CLASP1: variants seen among roughly 807,000 people sequenced by gnomAD.
CLASP1 encodes cytoplasmic linker associated protein 1.
Under a neutral mutation model 192.3 loss-of-function variants are expected in CLASP1, and 38 were observed. The ratio of observed to expected loss-of-function variants is 0.20; its 90% CI spans 0.15 to 0.26. The LOEUF (loss-of-function observed/expected upper bound fraction) is 0.26, where lower values mean the gene tolerates loss of function less well. Ranked by LOEUF, CLASP1 falls within the 10% of genes least tolerant of loss-of-function variation. The pLI is 1.00. For missense variants in CLASP1, 1,433 were observed against 1,932.5 expected, an observed-to-expected ratio of 0.74 and a Z score of 4.85; for synonymous variants, 691 against 712.8, an observed-to-expected ratio of 0.97 and a Z score of 0.49.
At chr2:121,489,591 C>A (rs570279585) in intron 8 of CLASP1, among the ~76,000 whole-genome samples, 1 of 152,244 alleles carries the variant, frequency 6.6e-6, no homozygotes, top group South Asian at 2.1e-4. Flanking sequence ...GTTCCCATCA[C>A]ATCAACTGTA....
Position 121,427,573 on chromosome 2 carries a change from TTCC to T in CLASP1, c.2018-146_2018-144del, listed in dbSNP as rs776892619. 8 of 775,574 alleles carry T rather than the reference TTCC, an allele frequency of 1.0e-5. No individual in the cohort carries two copies. The African/African-American group carries it at 1.0e-4, about 10-fold the overall frequency. The allele number at this position is 775,574 out of a possible 1,614,324, so 48.0% of individuals were successfully genotyped here. On this transcript the variant is annotated intron_variant, in intron 20 of 39. Transcript: ENST00000263710. The stretch of plus-strand genomic sequence containing the variant: ...AAACAGCTATATTTCCTAGGACTTG[TTCC>T]TCCTATTTTTGTACTTATGTTTATC...
chr2:121,510,965 T>C (rs1028946890), intron 7 of CLASP1, among the ~76,000 whole-genome samples: 1 of 151,862 alleles, frequency 6.6e-6, no homozygotes, highest in Non-Finnish European at 1.5e-5. Flanking sequence ...GGTGTCAGGA[T>C]GATGGGTTTG....
At chr2:121,353,447 C>T (rs941115257) in intron 37 of CLASP1, among the ~76,000 whole-genome samples, 1 of 152,112 alleles carries the variant, frequency 6.6e-6, no homozygotes, top group African/African-American at 2.4e-5. Flanking sequence ...CTCTAAGATG[C>T]CTGAGGTTCC....
In CLASP1 at chr2:121,370,332, C is replaced by T. The variant is rs531940742; in HGVS notation, c.3643-2501G>A. On this transcript the variant is annotated intron_variant, in intron 34 of 39. Coordinates refer to ENST00000263710, the Ensembl canonical transcript of CLASP1. ...GCTCCTCCATTCTTCGATTTTCTTT[C>T]TTTTTTTTTGAGACAGAGTTTCACT... Among the ~76,000 whole-genome samples, 10 of 151,592 alleles carry T rather than the reference C, an allele frequency of 6.6e-5. No individual in the cohort carries two copies. The East Asian group carries it at 1.9e-3, about 29-fold the overall frequency.
At position 121,462,529 on chromosome 2, in the gene CLASP1, G is replaced by C; in HGVS notation, c.939+3C>G. ...GTAATCATACTCAAATATCCTCACTGACCTGTACTACAGGTACATCATCAA... is the reference window on the plus strand; with the variant it reads ...GTAATCATACTCAAATATCCTCACTCACCTGTACTACAGGTACATCATCAA... On this transcript the variant is annotated splice_donor_region_variant and intron_variant, in intron 10 of 39. Transcript: ENST00000263710. 6.6e-7 allele frequency: 1 copy of C among 1,505,636 alleles called. No homozygotes were observed. Among genetic ancestry groups the C allele is most frequent in the South Asian group, 1.1e-5 (1 of 87,062 alleles). The allele number at this position is 1,505,636 out of a possible 1,614,324, so 93.3% of individuals were successfully genotyped here.
At chr2:121,409,371 C>T (rs961674421) in intron 24 of CLASP1, among the ~76,000 whole-genome samples, 5 of 152,114 alleles carry the variant, frequency 3.3e-5, no homozygotes, top group East Asian at 1.9e-4. Flanking sequence ...TTCTGTCTGG[C>T]GCCGTGGTGT....
chr2:121,365,310 C>T (rs1197744553), intron 35 of CLASP1, 26 bp from the exon 37 acceptor site: 1 of 1,597,512 alleles, frequency 6.3e-7, no homozygotes, highest in South Asian at 1.1e-5. Flanking sequence ...AGACATACGT[C>T]ACCTCGTGAG....
intron 8 of CLASP1, among the ~76,000 whole-genome samples, chr2:121,472,584 T>C (rs1220576677): frequency 6.6e-6 from 1 of 152,194 alleles, no homozygotes; most frequent in Non-Finnish European, 1.5e-5. Flanking sequence ...GATTAAATAC[T>C]GCAGACAGTA....
At chr2:121,474,783 G>C (rs2091392100) in intron 8 of CLASP1, among the ~76,000 whole-genome samples, 2 of 152,110 alleles carry the variant, frequency 1.3e-5, no homozygotes, top group Admixed American at 6.5e-5. Flanking sequence ...GCCAATGTAG[G>C]GCTTTTTAAA....
At chr2:121,529,125 G>A (rs1353173376) in intron 3 of CLASP1, among the ~76,000 whole-genome samples, 2 of 152,168 alleles carry the variant, frequency 1.3e-5, no homozygotes, top group African/African-American at 4.8e-5. Context: ...CACAAGGAGA[G>A]GGGCTCCAGT....
intron 2 of CLASP1, among the ~76,000 whole-genome samples, chr2:121,580,681 T>C (rs2061029887): frequency 6.6e-6 from 1 of 152,254 alleles, no homozygotes; most frequent in Non-Finnish European, 1.5e-5. Flanking sequence ...TTATCTTATA[T>C]TCTCCTAGTG....
At chr2:121,529,436 C>T (rs531494688) in intron 3 of CLASP1, among the ~76,000 whole-genome samples, 1 of 152,214 alleles carries the variant, frequency 6.6e-6, no homozygotes, top group East Asian at 1.9e-4. Context: ...AAAGTAAAAG[C>T]TTTTTTTAAA....
At chr2:121,462,338 G>A (rs2164796) in intron 10 of CLASP1, among the ~76,000 whole-genome samples, 194 bp downstream of exon 10, 30,911 of 151,890 alleles carry the variant, frequency 0.2, 5,871 homozygotes, top group African/African-American at 0.5. Flanking sequence ...TGTCTTTCCC[G>A]TTCTTACTGA....
chr2:121,455,182 T>C (rs188817953), intron 14 of CLASP1, among the ~76,000 whole-genome samples: 1 of 152,354 alleles, frequency 6.6e-6, no homozygotes, highest in Admixed American at 6.5e-5. Flanking sequence ...GAATTACATT[T>C]TTTCAGTGGA....
rs138082557 is a variant in CLASP1 at position 121,527,978 on chromosome 2, C to A, written c.379-88G>T. On this transcript the variant is annotated intron_variant, in intron 4 of 39. Transcript: ENST00000263710. ...GAGCAATAGAAGGCAAGCCTCTTAA[C>A]GAGCGCCAAATTAGTCCCATCCTCT... 1.3e-3 allele frequency: 1,315 copies of A among 1,005,080 alleles called. 14 individuals carry two copies. The African/African-American group carries it at 0.017, about 13-fold the overall frequency. The allele number at this position is 1,005,080 out of a possible 1,614,324, so 62.3% of individuals were successfully genotyped here.
chr2:121,499,126 T>C (rs929403865), intron 8 of CLASP1, among the ~76,000 whole-genome samples: 1 of 152,176 alleles, frequency 6.6e-6, no homozygotes, highest in Non-Finnish European at 1.5e-5. Context: ...TTTACATCAA[T>C]GTTCAAAGAA....
intron 9 of CLASP1, among the ~76,000 whole-genome samples, chr2:121,463,517 C>G (rs950776539): frequency 3.3e-5 from 5 of 152,324 alleles, no homozygotes; most frequent in African/African-American, 9.6e-5. Flanking sequence ...ATGTGGTGCT[C>G]TGTGTCTGTT....
chr2:121,578,422 CAAAAAAAAAAAA>C (rs70954557), intron 2 of CLASP1, among the ~76,000 whole-genome samples: 1 of 65,728 alleles, frequency 1.5e-5, no homozygotes, highest in South Asian at 7.5e-4. Flanking sequence ...AGACTATCTC[CAAAAAAAAAAAA>C]AAAAAAAAAA....
At chr2:121,358,340 AG>A (rs1217347350) in intron 37 of CLASP1, among the ~76,000 whole-genome samples, 1 of 152,198 alleles carries the variant, frequency 6.6e-6, no homozygotes, top group Non-Finnish European at 1.5e-5. Context: ...TCCACTTGAT[AG>A]GGTAAGAGAT....
Sources: allele counts gnomAD v4.1 joint callset (sites outside exome capture counted in the v4.1 genomes callset), GRCh38; gene constraint gnomAD v4.1.1; transcripts MANE v1.5; gene names NCBI Gene and HGNC (gene_info 2026-07-23, HGNC 2026-07-21).